The following TENM3 variants were observed in gnomAD, a reference collection of about 807,000 sequenced individuals.
TENM3 encodes teneurin transmembrane protein 3, also known as teneurin-3.
TENM3 carries 63 observed loss-of-function variants against 255.1 expected under a neutral mutation model. That is an observed-to-expected ratio of 0.25 (90% CI 0.20 to 0.30). The LOEUF (loss-of-function observed/expected upper bound fraction) is 0.30, where lower values mean the gene tolerates loss of function less well. TENM3 is among the 10% of genes least tolerant of loss of function. The pLI, the probability that TENM3 is intolerant of heterozygous loss-of-function variation, is 1.00. For missense variants in TENM3, 2,929 were observed against 3,461.1 expected (o/e 0.85, Z 3.86); for synonymous variants, 1,306 against 1,322.3 (o/e 0.99, Z 0.27).
chr4:182,655,151 TA>T (rs1177175697), intron 6 of TENM3, among the ~76,000 whole-genome samples: 1 of 152,198 alleles, frequency 6.6e-6, no homozygotes, highest in African/African-American at 2.4e-5. Flanking sequence ...ATAACATATA[TA>T]AACAAAATGA....
intron 3 of TENM3, among the ~76,000 whole-genome samples, chr4:182,593,478 T>G (rs1304643500): frequency 1.3e-5 from 2 of 152,182 alleles, no homozygotes; most frequent in Non-Finnish European, 2.9e-5. Context: ...TGACTGACTT[T>G]ACTCAAACTA....
the TENM3 span, among the ~76,000 whole-genome samples, chr4:181,532,611 T>C: frequency 6.6e-6 from 1 of 152,242 alleles, no homozygotes; most frequent in Non-Finnish European, 1.5e-5. Context: ...GTATATCTTA[T>C]ACTTGTATCA....
intron 3 of TENM3, among the ~76,000 whole-genome samples, chr4:182,463,573 C>T (rs1040742515): frequency 6.0e-5 from 9 of 151,110 alleles, no homozygotes; most frequent in East Asian, 2.0e-4. Context: ...CGAGTTCAAG[C>T]GATTCGAATC....
the TENM3 span, among the ~76,000 whole-genome samples, chr4:181,971,550 T>G: frequency 2.7e-5 from 4 of 149,986 alleles, no homozygotes; most frequent in African/African-American, 9.8e-5. Context: ...GGGGAAGTTG[T>G]TGGGTATTTG....
At chr4:181,818,995 G>C in the TENM3 span, among the ~76,000 whole-genome samples, 1 of 152,130 alleles carries the variant, frequency 6.6e-6, no homozygotes, top group South Asian at 2.1e-4. Context: ...CATGACCATG[G>C]TTAGGTCCCA....
the TENM3 span, among the ~76,000 whole-genome samples, chr4:181,957,260 G>C: frequency 6.6e-6 from 1 of 152,122 alleles, no homozygotes; most frequent in African/African-American, 2.4e-5. Context: ...GTGTACAATG[G>C]GTTTTGAATT....
chr4:182,512,264 C>G (rs1737479107), intron 3 of TENM3, among the ~76,000 whole-genome samples: 1 of 152,164 alleles, frequency 6.6e-6, no homozygotes, highest in Non-Finnish European at 1.5e-5. Flanking sequence ...GAAAATGGGC[C>G]TTCTCCATGG....
chr4:181,780,322 T>C, the TENM3 span, among the ~76,000 whole-genome samples: 34 of 152,066 alleles, frequency 2.2e-4, no homozygotes, highest in African/African-American at 7.5e-4. Flanking sequence ...TTTTAATGAT[T>C]GCCATTCTAA....
intron 1 of TENM3, among the ~76,000 whole-genome samples, chr4:182,322,712 GAGACAGAGAC>G (rs1041751252): frequency 1.3e-4 from 20 of 152,166 alleles, no homozygotes; most frequent in African/African-American, 2.9e-4. Context: ...GAGACAGTCA[GAGACAGAGAC>G]AGACAGAGAC....
At chr4:182,474,941 A>T (rs1561486360) in intron 3 of TENM3, among the ~76,000 whole-genome samples, 4 of 152,108 alleles carry the variant, frequency 2.6e-5, no homozygotes, top group Non-Finnish European at 5.9e-5. Flanking sequence ...TGCAAGTCAC[A>T]TTGTCCCATC....
rs1762400566 is a variant in TENM3 at position 182,751,929 on chromosome 4, T to C, written c.3759T>C (p.Asn1253=). ...SLTGAKDLTK[N]AEVVAGTGEQ... ...CGGGGGCAAAAGACTTGACTAAAAA[T>C]GCAGAAGTCGTCGCAGGGACAGGGG... The change falls in exon 20 of 28, where the codon AAT becomes AAC. Residue 1253 remains asparagine (N), a synonymous_variant. Coordinates refer to ENST00000511685, the MANE Select transcript of TENM3 (RefSeq NM_001080477.4). The C allele has an allele frequency of 3.7e-6, 6 of 1,613,890 alleles. No individual in the cohort carries two copies. The highest frequency in any genetic ancestry group is 4.2e-6 in the Non-Finnish European group (5 of 1,179,882).
the TENM3 span, among the ~76,000 whole-genome samples, chr4:181,604,247 A>G: frequency 1.8e-4 from 28 of 152,352 alleles, no homozygotes; most frequent in Admixed American, 4.6e-4. Flanking sequence ...CCTGGGCGAC[A>G]GAGCGAGACT....
intron 3 of TENM3, among the ~76,000 whole-genome samples, chr4:182,445,127 T>G (rs969082782): frequency 2.6e-5 from 4 of 152,144 alleles, no homozygotes; most frequent in Admixed American, 6.5e-5. Flanking sequence ...GCTTTAACTA[T>G]TGAGTCAATA....
intron 3 of TENM3, among the ~76,000 whole-genome samples, chr4:182,444,728 C>T (rs915595383): frequency 2.6e-5 from 4 of 152,104 alleles, no homozygotes; most frequent in Non-Finnish European, 4.4e-5. Flanking sequence ...TATTATGTTT[C>T]CAAATCTTTG....
intron 1 of TENM3, among the ~76,000 whole-genome samples, chr4:182,150,639 C>T (rs930863761): frequency 1.3e-4 from 20 of 151,984 alleles, no homozygotes; most frequent in Admixed American, 9.8e-4. Context: ...AAAACCCACA[C>T]GACTCTGATT....
chr4:182,579,115 A>G (rs76984196), intron 3 of TENM3, among the ~76,000 whole-genome samples: 1,550 of 152,294 alleles, frequency 0.01, 31 homozygotes, highest in African/African-American at 0.036. Context: ...TCTCCACGGT[A>G]CTTAACATTA....
At chr4:182,351,554 T>C (rs142415883) in intron 3 of TENM3, among the ~76,000 whole-genome samples, 1,592 of 152,268 alleles carry the variant, frequency 0.01, 36 homozygotes, top group African/African-American at 0.036. Context: ...GGGGCGGAGC[T>C]CTCCTGTTGG....
the TENM3 span, among the ~76,000 whole-genome samples, chr4:181,496,624 T>C: frequency 6.6e-6 from 1 of 152,256 alleles, no homozygotes; most frequent in African/African-American, 2.4e-5. Flanking sequence ...TTTATCTGAA[T>C]TCAACACATT....
Position 182,545,139 on chromosome 4 carries a change from A to G in TENM3, c.512-55785A>G, listed in dbSNP as rs1392734291. On this transcript the variant is annotated intron_variant, in intron 3 of 27. Transcript: ENST00000511685. ...TAGTCAAGGTGATTTCTAAGATGCCATCTAGTTCTACAATTACAGAGCTAT... is the reference window on the plus strand; with the variant it reads ...TAGTCAAGGTGATTTCTAAGATGCCGTCTAGTTCTACAATTACAGAGCTAT... 3.9e-5 allele frequency among the ~76,000 whole-genome samples: 6 copies of G among 152,224 alleles called. 1 individual carries two copies. Among genetic ancestry groups the G allele is most frequent in the African/African-American group, 1.4e-4 (6 of 41,466 alleles).
Sources: allele counts gnomAD v4.1 joint callset (sites outside exome capture counted in the v4.1 genomes callset), GRCh38; gene constraint gnomAD v4.1.1; transcripts MANE v1.5; gene names NCBI Gene and HGNC (gene_info 2026-07-23, HGNC 2026-07-21).